Variants in RABGAP1L observed in about 807,000 individuals in gnomAD.
RABGAP1L encodes rab GTPase-activating protein 1-like.
In RABGAP1L, 63 loss-of-function variants were observed where a neutral mutation model predicts 137.7. The ratio of observed to expected loss-of-function variants is 0.46; its 90% CI spans 0.37 to 0.56. The LOEUF is 0.56. Among genes scored for constraint, RABGAP1L ranks in the 20% least tolerant of loss-of-function variants. The pLI is 0.00. For missense variants in RABGAP1L, 1,095 were observed against 1,244.0 expected, an observed-to-expected ratio of 0.88 and a Z score of 1.80; for synonymous variants, 431 against 433.7, an observed-to-expected ratio of 0.99 and a Z score of 0.08.
At chr1:174,610,894 A>T (rs1157318396) in intron 13 of RABGAP1L, among the ~76,000 whole-genome samples, 2 of 151,708 alleles carry the variant, frequency 1.3e-5, no homozygotes, top group Non-Finnish European at 2.9e-5. Flanking sequence ...CTATTTTTTG[A>T]TGGGGTTGTT....
chr1:174,463,639 T>C (rs2149288100), intron 13 of RABGAP1L, among the ~76,000 whole-genome samples: 1 of 152,076 alleles, frequency 6.6e-6, no homozygotes, highest in South Asian at 2.1e-4. Flanking sequence ...TGTGCACATG[T>C]ACCCTAAAAC....
intron 17 of RABGAP1L, among the ~76,000 whole-genome samples, chr1:174,721,057 G>A (rs78593475): frequency 0.047 from 7,222 of 152,140 alleles, 277 homozygotes; most frequent in Non-Finnish European, 0.075. Context: ...AATATACTCA[G>A]GTTTATTTCC....
chr1:174,618,810 G>C (rs1451435882), intron 13 of RABGAP1L, among the ~76,000 whole-genome samples: 1 of 152,034 alleles, frequency 6.6e-6, no homozygotes, highest in African/African-American at 2.4e-5. Flanking sequence ...GACGAGTTGA[G>C]AGAAGAAGGC....
intron 19 of RABGAP1L, among the ~76,000 whole-genome samples, chr1:174,866,920 A>ATT (rs768820123): frequency 6.6e-6 from 1 of 150,582 alleles, no homozygotes. Flanking sequence ...CAAAAAAAAA[A>ATT]TTTTTTTTTT....
intron 18 of RABGAP1L, among the ~76,000 whole-genome samples, chr1:174,802,531 C>T (rs991606756): frequency 4.6e-5 from 7 of 152,144 alleles, no homozygotes; most frequent in African/African-American, 1.7e-4. Context: ...TGCTTGAATC[C>T]GGGAGGCAGA....
At chr1:174,500,653 C>T (rs748398084) in intron 13 of RABGAP1L, among the ~76,000 whole-genome samples, 20 of 152,138 alleles carry the variant, frequency 1.3e-4, no homozygotes, top group Admixed American at 2.0e-4. Flanking sequence ...GGATAGGAAC[C>T]GTAGTTTATT....
chr1:174,852,306 A>T (rs1414961979), intron 19 of RABGAP1L, among the ~76,000 whole-genome samples: 1 of 152,192 alleles, frequency 6.6e-6, no homozygotes. Context: ...AAATGCTGCA[A>T]GTCAGCATCA....
At chr1:174,686,645 A>C (rs959483806) in intron 15 of RABGAP1L, among the ~76,000 whole-genome samples, 3 of 131,026 alleles carry the variant, frequency 2.3e-5, no homozygotes, top group African/African-American at 3.2e-5. Context: ...TGAACAAAGC[A>C]ATCTTTTTTT....
intron 13 of RABGAP1L, among the ~76,000 whole-genome samples, chr1:174,564,331 T>G (rs1452859418): frequency 6.6e-6 from 1 of 152,174 alleles, no homozygotes; most frequent in African/African-American, 2.4e-5. Context: ...TTGATCAGCT[T>G]GCAACTAATT....
At chr1:174,437,200 C>T (rs560408895) in intron 13 of RABGAP1L, among the ~76,000 whole-genome samples, 21 of 147,474 alleles carry the variant, frequency 1.4e-4, no homozygotes, top group African/African-American at 2.8e-4. Flanking sequence ...TCACCAGCAA[C>T]GGAACAAAAC....
chr1:174,827,510 C>T (rs1691704730), intron 19 of RABGAP1L, among the ~76,000 whole-genome samples: 1 of 122,792 alleles, frequency 8.1e-6, no homozygotes. Context: ...ACTGAGTGCG[C>T]ATTTCTTCTC....
In RABGAP1L at chr1:174,802,922, G is replaced by A. The variant is rs145235086; in HGVS notation, c.2212-8910G>A. On this transcript the variant is annotated intron_variant, in intron 18 of 25. Coordinates refer to ENST00000681986, the MANE Select transcript of RABGAP1L (RefSeq NM_001366446.1). Reference sequence around the variant, plus strand: ...GAGGAATCCTGCCACATGCAGTATTGCAATCTTTTCATTTCTAGTCAAGAG... The same window carrying A: ...GAGGAATCCTGCCACATGCAGTATTACAATCTTTTCATTTCTAGTCAAGAG... Among the ~76,000 whole-genome samples the A allele has an allele frequency of 7.2e-4, 110 of 152,276 alleles. No individual in the cohort carries two copies. In the East Asian group the frequency reaches 0.021, roughly 29 times the overall value.
intron 18 of RABGAP1L, among the ~76,000 whole-genome samples, chr1:174,755,984 C>G (rs774034109): frequency 1.1e-4 from 16 of 152,074 alleles, no homozygotes; most frequent in Non-Finnish European, 1.9e-4. Flanking sequence ...TACAATTTCT[C>G]CATTTTTTAA....
At chr1:174,782,402 T>C (rs1687083973) in intron 18 of RABGAP1L, among the ~76,000 whole-genome samples, 1 of 152,322 alleles carries the variant, frequency 6.6e-6, no homozygotes, top group Non-Finnish European at 1.5e-5. Flanking sequence ...CTTGTGATTT[T>C]TGTACATTGA....
intron 7 of RABGAP1L, among the ~76,000 whole-genome samples, chr1:174,262,877 G>GC (rs1176527973): frequency 1.3e-5 from 2 of 152,226 alleles, no homozygotes; most frequent in Admixed American, 1.3e-4. Context: ...AGAGGGTGTT[G>GC]CAGGGACACT....
chr1:174,436,053 CATT>C (rs1653254483), intron 13 of RABGAP1L, among the ~76,000 whole-genome samples: 1 of 152,124 alleles, frequency 6.6e-6, no homozygotes, highest in South Asian at 2.1e-4. Flanking sequence ...TCTAGTCTAT[CATT>C]GTTGGACATT....
chr1:174,345,844 A>G (rs1682378782), intron 11 of RABGAP1L, among the ~76,000 whole-genome samples: 1 of 152,122 alleles, frequency 6.6e-6, no homozygotes, highest in South Asian at 2.1e-4. Context: ...AAAGACTTTC[A>G]GTTTTCACCC....
intron 6 of RABGAP1L, 62 bp downstream of exon 6, chr1:174,250,694 A>G (rs369021556): frequency 2.2e-5 from 32 of 1,463,640 alleles, no homozygotes; most frequent in Non-Finnish European, 2.4e-5. Context: ...AGGCGCATAT[A>G]AAGTTTCAAG....
At chr1:174,329,039 C>CA (rs59672024) in intron 11 of RABGAP1L, among the ~76,000 whole-genome samples, 21,608 of 132,664 alleles carry the variant, frequency 0.16, 2,368 homozygotes, top group East Asian at 0.35. Context: ...CTTAAAAATA[C>CA]AAAAAAAAAA....
Sources: gnomAD v4.1 joint callset for allele counts (sites outside exome capture counted in the v4.1 genomes callset) on GRCh38, gnomAD v4.1.1 for gene constraint, MANE v1.5 for transcripts, NCBI Gene and HGNC (gene_info 2026-07-23, HGNC 2026-07-21) for gene names.